Variants in PHF3 observed in about 807,000 individuals in gnomAD.
PHF3 encodes the protein PHD finger protein 3.
Under a neutral mutation model 178.4 loss-of-function variants are expected in PHF3, and 41 were observed. That is an observed-to-expected ratio of 0.23 (90% CI 0.18 to 0.30). The LOEUF (loss-of-function observed/expected upper bound fraction) is 0.30, where lower values mean the gene tolerates loss of function less well. Ranked by LOEUF, PHF3 falls within the 10% of genes least tolerant of loss-of-function variation. The pLI, the probability that PHF3 is intolerant of heterozygous loss-of-function variation, is 1.00. For missense variants in PHF3, 2,346 were observed against 2,398.1 expected, an observed-to-expected ratio of 0.98 and a Z score of 0.45; for synonymous variants, 842 against 800.5, an observed-to-expected ratio of 1.05 and a Z score of -0.88.
chr6:63,652,397 G>T (rs1169148072), intron 2 of PHF3, among the ~76,000 whole-genome samples: 34 of 151,872 alleles, frequency 2.2e-4, no homozygotes, highest in Admixed American at 2.2e-3. Context: ...TTGCTTTTTT[G>T]TTGTTGTTGT....
chr6:63,721,032 A>G lies in PHF3; in HGVS notation c.*7324A>G, dbSNP rs778823043. 5.9e-5 allele frequency: 91 copies of G among 1,551,260 alleles called. No individual in the cohort carries two copies. The highest frequency in any genetic ancestry group is 7.2e-5 in the Non-Finnish European group (82 of 1,146,794). ...AAAATCATTTTCTTCATTTTGAGCT[A>G]TTCCCATCCATACAATTAGACCTTC... On this transcript the variant is annotated 3_prime_UTR_variant, in exon 16 of 16. Transcript: ENST00000262043.
At chr6:63,708,076 A>G (rs913263652) in intron 13 of PHF3, among the ~76,000 whole-genome samples, 1 of 152,050 alleles carries the variant, frequency 6.6e-6, no homozygotes, top group African/African-American at 2.4e-5. Flanking sequence ...CATGTTAGCC[A>G]GGCCGGTTCT....
chr6:63,654,909 T>TTC (rs70999119), intron 2 of PHF3, among the ~76,000 whole-genome samples: 203 of 149,616 alleles, frequency 1.4e-3, no homozygotes, highest in African/African-American at 4.7e-3. Flanking sequence ...TTTTTTTTTT[T>TTC]CGAGATGGGG....
At chr6:63,677,160 A>G (rs1015636049) in intron 2 of PHF3, among the ~76,000 whole-genome samples, 28 of 152,096 alleles carry the variant, frequency 1.8e-4, no homozygotes, top group African/African-American at 6.5e-4. Flanking sequence ...GTCAGATTAC[A>G]CTCTTCTGAA....
At position 63,723,059 on chromosome 6, in the gene PHF3, G is replaced by A. The variant is rs972437920; in HGVS notation, c.*9351G>A. ...AACGGTATCTGGCCCATAAATAGATGCTAAATAATTATTAAATAAAGAAAT... is the reference window on the plus strand; with the variant it reads ...AACGGTATCTGGCCCATAAATAGATACTAAATAATTATTAAATAAAGAAAT... On this transcript the variant is annotated 3_prime_UTR_variant, in exon 16 of 16. Transcript: ENST00000262043. 1.3e-5 allele frequency among the ~76,000 whole-genome samples: 2 copies of A among 152,136 alleles called. No individual in the cohort carries two copies. The highest frequency in any genetic ancestry group is 6.6e-5 in the Admixed American group (1 of 15,258).
In PHF3 at chr6:63,713,293, G is replaced by T; in HGVS notation, c.5705G>T (p.Gly1902Val). The stretch of plus-strand genomic sequence containing the variant: ...GAAAGGCGCCATAGTGACCCTTGGG[G>T]TAGGCAAGACCAACAGCAACTGGAT... ...RPERRHSDPW[G>V]RQDQQQLDRP... The change falls in exon 16 of 16, where the codon GGT becomes GTT. Residue 1902 changes from glycine (G) to valine (V), a missense_variant. By Grantham distance (109) the Gly-to-Val change is moderately radical (BLOSUM62 -3). This residue lies in a region of PHF3 where 839 missense variants were observed against 806.9 expected (regional missense o/e 1.04). Transcript: ENST00000262043. 2 of 1,614,050 alleles carry T rather than the reference G, an allele frequency of 1.2e-6. No individual in the cohort carries two copies. Among genetic ancestry groups the T allele is most frequent in the Non-Finnish European group, 1.7e-6 (2 of 1,179,984 alleles).
intron 2 of PHF3, among the ~76,000 whole-genome samples, chr6:63,652,339 A>G (rs776843365): frequency 7.9e-5 from 12 of 152,116 alleles, no homozygotes; most frequent in Non-Finnish European, 1.5e-4. Context: ...TTGTATGTCT[A>G]TTTTGAAAGA....
In PHF3 at chr6:63,721,367, ACCT is replaced by A; in HGVS notation, c.*7662_*7664del. On this transcript the variant is annotated 3_prime_UTR_variant, in exon 16 of 16. Coordinates refer to ENST00000262043, the MANE Select transcript of PHF3 (RefSeq NM_001370348.2). ...AAGTTGTGCCATTTACTGTACATTC[ACCT>A]CCATTTCTGCATGTGTTGTACCCAC... is the stretch of plus-strand genomic sequence containing the variant. 1 of 1,551,746 alleles carries A rather than the reference ACCT, an allele frequency of 6.4e-7. No individual in the cohort carries two copies. Among genetic ancestry groups the A allele is most frequent in the Non-Finnish European group, 8.7e-7 (1 of 1,146,958 alleles).
intron 2 of PHF3, chr6:63,678,999 A>C (rs531963519): frequency 2.1e-5 from 5 of 242,162 alleles, no homozygotes; most frequent in African/African-American, 9.2e-5. Flanking sequence ...ATCTCACTTG[A>C]TCCTCACAAC....
rs1411351613 is a variant in PHF3, at chr6:63,724,158, A to G, written c.*10450A>G. On this transcript the variant is annotated 3_prime_UTR_variant, in exon 16 of 16. Transcript: ENST00000262043. The stretch of plus-strand genomic sequence containing the variant: ...GTAATGAACAGTCCTTACAAGAAAC[A>G]GAGCTCAAATAGGATAAAGATCATA... Among the ~76,000 whole-genome samples the G allele has an allele frequency of 6.6e-6, 1 of 152,150 alleles. No individual in the cohort carries two copies. Among genetic ancestry groups the G allele is most frequent in the East Asian group, 1.9e-4 (1 of 5,194 alleles).
chr6:63,638,058 A>G (rs958554432), intron 1 of PHF3, among the ~76,000 whole-genome samples: 6 of 152,140 alleles, frequency 3.9e-5, no homozygotes, highest in Admixed American at 6.5e-5. Context: ...CAGAAAAGTC[A>G]CCTCTGAGAA....
intron 2 of PHF3, among the ~76,000 whole-genome samples, chr6:63,649,831 A>G (rs1248536025): frequency 6.6e-6 from 1 of 152,202 alleles, no homozygotes; most frequent in Non-Finnish European, 1.5e-5. Flanking sequence ...TCTAGCAAGT[A>G]AGCAAAAGAG....
chr6:63,703,722 A>G, intron 11 of PHF3, 51 bp downstream of exon 11: 1 of 1,511,792 alleles, frequency 6.6e-7, no homozygotes, highest in Non-Finnish European at 9.0e-7. Flanking sequence ...TGAAAGAAGG[A>G]TACTTAGATA....
chr6:63,668,587 C>A (rs1230711161), intron 2 of PHF3, among the ~76,000 whole-genome samples: 2 of 152,066 alleles, frequency 1.3e-5, no homozygotes, highest in Non-Finnish European at 2.9e-5. Context: ...AGTGATTGTC[C>A]CACATCGGCT....
At chr6:63,666,748 C>T (rs545493473) in intron 2 of PHF3, among the ~76,000 whole-genome samples, 47 of 151,664 alleles carry the variant, frequency 3.1e-4, no homozygotes, top group Admixed American at 3.0e-3. Flanking sequence ...ACATCATTGT[C>T]CCCCTCCTTT....
chr6:63,698,816 G>A (rs66589841), intron 8 of PHF3, among the ~76,000 whole-genome samples: 12,679 of 151,988 alleles, frequency 0.083, 574 homozygotes, highest in East Asian at 0.16. Flanking sequence ...AATGCTAAAC[G>A]TGTCTTAACC....
intron 2 of PHF3, among the ~76,000 whole-genome samples, chr6:63,659,540 A>G (rs758529665): frequency 5.9e-5 from 9 of 152,210 alleles, no homozygotes; most frequent in Non-Finnish European, 1.2e-4. Flanking sequence ...GTGCAAAACT[A>G]CTTTGCTAGC....
intron 2 of PHF3, among the ~76,000 whole-genome samples, chr6:63,656,666 T>C (rs955598254): frequency 6.6e-6 from 1 of 152,226 alleles, no homozygotes; most frequent in East Asian, 1.9e-4. Flanking sequence ...TCTCCTTGAT[T>C]AGAGCTGTTG....
chr6:63,711,660 T>C lies in PHF3; in HGVS notation c.4072T>C (p.Cys1358Arg). The change falls in exon 16 of 16, where the codon TGT (cysteine) becomes CGT (arginine). Residue 1358 changes from cysteine to arginine, a missense_variant. By Grantham distance (180) the Cys-to-Arg change is radical. Around this residue, in one of 8 missense-constraint regions of PHF3, gnomAD observed 839 missense variants for 806.9 expected, o/e 1.04. Coordinates refer to ENST00000262043, the MANE Select transcript of PHF3 (RefSeq NM_001370348.2). ...GAAACTGAAGCGACAGCACAGTGCC[T>C]GTGCTAGTACTAGTCATATAGCTGA... Reference protein sequence around the residue: ...RQKLKRQHSACASTSHIAETP... With the variant: ...RQKLKRQHSARASTSHIAETP... The C allele has an allele frequency of 6.2e-7, 1 of 1,612,686 alleles. No homozygotes were observed. Among genetic ancestry groups the C allele is most frequent in the Non-Finnish European group, 8.5e-7 (1 of 1,179,616 alleles).
Sources: gnomAD v4.1 joint callset for allele counts (sites outside exome capture counted in the v4.1 genomes callset) on GRCh38, gnomAD v4.1.1 for gene constraint, gnomAD v4.1.1 regional missense constraint, MANE v1.5 for transcripts, NCBI Gene and HGNC (gene_info 2026-07-23, HGNC 2026-07-21) for gene names.